The following ANOS1 variants were observed in gnomAD, a reference collection of about 807,000 sequenced individuals.
ANOS1 encodes anosmin-1.
Under a neutral mutation model 59.0 loss-of-function variants are expected in ANOS1, and 6 were observed. That is an observed-to-expected ratio of 0.10 (90% CI 0.06 to 0.20). ANOS1 has a LOEUF of 0.20. ANOS1 is among the 10% of genes least tolerant of loss of function. ANOS1 has a pLI of 1.00. For missense variants in ANOS1, 433 were observed against 542.3 expected (o/e 0.80, Z 2.00); for synonymous variants, 217 against 223.4 (o/e 0.97, Z 0.25).
At chrX:8,715,260 A>G (rs1213592505) in intron 1 of ANOS1, among the ~76,000 whole-genome samples, 1 of 110,812 alleles carries the variant, frequency 9.0e-6, no homozygotes, top group African/African-American at 3.3e-5. Context: ...ATCATACGGA[A>G]AGGTGAAATA....
intron 1 of ANOS1, among the ~76,000 whole-genome samples, chrX:8,716,717 C>T (rs1233721451): frequency 2.7e-5 from 3 of 111,703 alleles, no homozygotes; most frequent in Non-Finnish European, 5.6e-5. Flanking sequence ...AATGAAGGCA[C>T]GTGCCTTGGT....
intron 2 of ANOS1, among the ~76,000 whole-genome samples, chrX:8,640,565 C>T (rs186134178): frequency 2.4e-4 from 17 of 70,581 alleles, no homozygotes; most frequent in South Asian, 7.3e-4. Context: ...CTTGCTCAGA[C>T]TTTTTATAAA....
intron 8 of ANOS1, chrX:8,566,333 GTA>G (rs1930112364): frequency 5.3e-6 from 3 of 569,887 alleles, no homozygotes; most frequent in Non-Finnish European, 6.3e-6. Context: ...GTATGTGTGT[GTA>G]TATATGTGTG....
chrX:8,681,056 T>C (rs1265218349), intron 2 of ANOS1, among the ~76,000 whole-genome samples: 7 of 111,757 alleles, frequency 6.3e-5, no homozygotes, highest in Non-Finnish European at 1.3e-4. Context: ...TCTAGGTCAC[T>C]TTCCCACAAT....
chrX:8,549,101 T>C (rs1394429352), intron 9 of ANOS1, among the ~76,000 whole-genome samples: 4 of 112,103 alleles, frequency 3.6e-5, no homozygotes, highest in African/African-American at 1.3e-4. Context: ...CTTGTCCCTT[T>C]ATCATCAAGT....
At chrX:8,595,208 T>C (rs1198407406) in intron 4 of ANOS1, among the ~76,000 whole-genome samples, 1 of 111,659 alleles carries the variant, frequency 9.0e-6, no homozygotes, top group Non-Finnish European at 1.9e-5. Context: ...ATGCTACTCA[T>C]ACATAGCATA....
chrX:8,650,684 C>T (rs1931836922), intron 2 of ANOS1, among the ~76,000 whole-genome samples: 1 of 111,623 alleles, frequency 9.0e-6, no homozygotes, highest in Non-Finnish European at 1.9e-5. Context: ...CGCCACTGCA[C>T]TCCAGTCCAG....
At chrX:8,541,165 G>A (rs1395070144) in intron 9 of ANOS1, among the ~76,000 whole-genome samples, 2 of 104,208 alleles carry the variant, frequency 1.9e-5, no homozygotes, top group Non-Finnish European at 2.0e-5. Context: ...AGCACTTTGG[G>A]AGGCCGAGGC....
intron 8 of ANOS1, among the ~76,000 whole-genome samples, chrX:8,567,949 T>A (rs992464837): frequency 1.1e-4 from 12 of 112,515 alleles, no homozygotes; most frequent in African/African-American, 3.9e-4. Context: ...CATGTAAACA[T>A]AAAAACAGTC....
chrX:8,563,277 T>G (rs746361933), intron 8 of ANOS1, among the ~76,000 whole-genome samples: 1 of 112,519 alleles, frequency 8.9e-6, no homozygotes, highest in African/African-American at 3.2e-5. Context: ...AACTACCATA[T>G]CTCTTAATTA....
intron 9 of ANOS1, 135 bp downstream of exon 9, chrX:8,553,817 C>T (rs754038769): frequency 2.1e-5 from 11 of 528,591 alleles, no homozygotes; most frequent in Non-Finnish European, 3.5e-5. Flanking sequence ...TAACCGTCAA[C>T]TCATTCAGAC....
rs182326439 is a variant in ANOS1 at position 8,602,695 on chromosome X, G to A, written c.319-5439C>T. On this transcript the variant is annotated intron_variant, in intron 3 of 13. Coordinates refer to ENST00000262648, the MANE Select transcript of ANOS1 (RefSeq NM_000216.4). Reference sequence around the variant, plus strand: ...TTCATTTTTATAAAACTATTCATATGATTAATTTCACGAATCACACAAATG... The same window carrying A: ...TTCATTTTTATAAAACTATTCATATAATTAATTTCACGAATCACACAAATG... Among the ~76,000 whole-genome samples the A allele has an allele frequency of 9.0e-5, 10 of 110,532 alleles. 1 individual carries two copies. In the East Asian group the frequency reaches 2.0e-3, roughly 22 times the overall value.
chrX:8,615,260 T>C lies in ANOS1; in HGVS notation c.318+8348A>G, dbSNP rs1468710369. On this transcript the variant is annotated intron_variant, in intron 3 of 13. Transcript: ENST00000262648. Reference sequence around the variant, plus strand: ...CTAAAAACTTTTTGAAAATTGTCTATGTGGCTGAGTGCGGTGGCTCACGCC... The same window carrying C: ...CTAAAAACTTTTTGAAAATTGTCTACGTGGCTGAGTGCGGTGGCTCACGCC... Among the ~76,000 whole-genome samples the C allele has an allele frequency of 3.6e-5, 4 of 111,909 alleles. No homozygotes were observed. The South Asian group carries it at 1.1e-3, about 31-fold the overall frequency.
intron 2 of ANOS1, among the ~76,000 whole-genome samples, chrX:8,685,658 A>AAGAAAG (rs1278773136): frequency 1.0e-5 from 1 of 96,963 alleles, no homozygotes; most frequent in Non-Finnish European, 2.1e-5. Flanking sequence ...GAAAGAAAGA[A>AAGAAAG]AAAGAAAGGA....
At chrX:8,588,119 A>G (rs1158104730) in intron 4 of ANOS1, 141 bp from the exon 5 acceptor site, 2 of 544,966 alleles carry the variant, frequency 3.7e-6, no homozygotes, top group Non-Finnish European at 3.1e-6. Flanking sequence ...CTCTCCATAC[A>G]GGGTTTCACA....
At chrX:8,561,295 T>C (rs1236254915) in intron 8 of ANOS1, among the ~76,000 whole-genome samples, 2 of 110,955 alleles carry the variant, frequency 1.8e-5, no homozygotes, top group Non-Finnish European at 3.8e-5. Flanking sequence ...TTTATTTTAT[T>C]TTATTTTATT....
chrX:8,729,476 G>A (rs749410110), intron 1 of ANOS1, among the ~76,000 whole-genome samples: 1 of 89,413 alleles, frequency 1.1e-5, no homozygotes, highest in East Asian at 3.5e-4. Flanking sequence ...TCGGCTCACT[G>A]CAACCGCTGC....
intron 3 of ANOS1, among the ~76,000 whole-genome samples, chrX:8,604,210 G>A (rs1569060918): frequency 9.0e-6 from 1 of 111,552 alleles, no homozygotes; most frequent in Non-Finnish European, 1.9e-5. Context: ...AGAGGACTGG[G>A]CTCACCCAGT....
intron 2 of ANOS1, among the ~76,000 whole-genome samples, chrX:8,633,766 A>T (rs1439028203): frequency 8.9e-6 from 1 of 112,047 alleles, no homozygotes; most frequent in African/African-American, 3.2e-5. Context: ...TGCCCATTAT[A>T]GAGAACCTGA....
Sources: allele counts gnomAD v4.1 joint callset (sites outside exome capture counted in the v4.1 genomes callset), GRCh38; gene constraint gnomAD v4.1.1; transcripts MANE v1.5; gene names NCBI Gene and HGNC (gene_info 2026-07-23, HGNC 2026-07-21).